SLK: variants seen among roughly 807,000 people sequenced by gnomAD.
SLK encodes STE20 like kinase, also known as STE20-like serine/threonine-protein kinase.
SLK carries 67 observed loss-of-function variants against 147.7 expected under a neutral mutation model. The ratio of observed to expected loss-of-function variants is 0.45; its 90% confidence interval spans 0.37 to 0.56. The LOEUF (loss-of-function observed/expected upper bound fraction) is 0.56, where lower values mean the gene tolerates loss of function less well. Among genes scored for constraint, SLK ranks in the 20% least tolerant of loss-of-function variants. The pLI, the probability that SLK is intolerant of heterozygous loss-of-function variation, is 0.00. For synonymous variants in SLK, 441 were observed against 475.0 expected (o/e 0.93, Z 0.93); for missense variants, 1,136 against 1,438.8 (o/e 0.79, Z 3.41).
intron 1 of SLK, among the ~76,000 whole-genome samples, chr10:103,989,353 T>C (rs1844058397): frequency 6.6e-6 from 1 of 152,138 alleles, no homozygotes; most frequent in Admixed American, 6.5e-5. Flanking sequence ...GTGAAACCCA[T>C]GCTTGCTGGC....
At chr10:103,985,879 A>G (rs1844005942) in intron 1 of SLK, among the ~76,000 whole-genome samples, 2 of 152,230 alleles carry the variant, frequency 1.3e-5, no homozygotes, top group South Asian at 4.1e-4. Flanking sequence ...ATATGAAACC[A>G]GTATGGAACT....
rs1472019563 is a variant in SLK, at chr10:104,006,041, G to A, written c.2604+6G>A. ...GCTTTGAGCAGGAAATGATGGTAAA[G>A]TCTGATTGTTATACCATTTTATATC... On this transcript the variant is annotated splice_donor_region_variant and intron_variant, in intron 11 of 18. Transcript: ENST00000369755. 8.7e-6 allele frequency: 14 copies of A among 1,608,386 alleles called. No individual in the cohort carries two copies. The highest frequency in any genetic ancestry group is 5.2e-5 in the Admixed American group (3 of 58,118).
rs1318186641 is a variant in SLK at position 103,995,426 on chromosome 10, T to TC, written c.514+2293_514+2294insC. On this transcript the variant is annotated intron_variant, in intron 4 of 18. Transcript: ENST00000369755. Reference sequence around the variant, plus strand: ...TCTTTTTTCTTTTCTTTCTTTTCTTTTTTTTTTTTTTTTTTTTTTGAGTCA... The same window carrying TC: ...TCTTTTTTCTTTTCTTTCTTTTCTTTCTTTTTTTTTTTTTTTTTTTGAGTCA... 1.3e-4 allele frequency among the ~76,000 whole-genome samples: 12 copies of TC among 89,158 alleles called. No individual in the cohort carries two copies. The East Asian group carries it at 2.4e-3, about 18-fold the overall frequency. The allele number at this position is 89,158 out of a possible 152,430, so 58.5% of individuals were successfully genotyped here.
At chr10:103,987,429 T>C (rs985109032) in intron 1 of SLK, among the ~76,000 whole-genome samples, 1 of 152,226 alleles carries the variant, frequency 6.6e-6, no homozygotes, top group African/African-American at 2.4e-5. Context: ...AGCAGGTTCC[T>C]GTTAAGTGAC....
chr10:103,994,065 T>C (rs1844134353), intron 4 of SLK, among the ~76,000 whole-genome samples: 2 of 152,104 alleles, frequency 1.3e-5, no homozygotes, highest in Admixed American at 6.6e-5. Context: ...TGGCGAATTT[T>C]TAAAAATTTT....
At chr10:103,995,423 CTTTTTT>C (rs756975426) in intron 4 of SLK, among the ~76,000 whole-genome samples, 4 of 67,690 alleles carry the variant, frequency 5.9e-5, no homozygotes, top group South Asian at 4.6e-4. Context: ...TCTTTCTTTT[CTTTTTT>C]TTTTTTTTTT....
intron 8 of SLK, 110 bp downstream of exon 8, chr10:104,001,682 G>A: frequency 1.7e-6 from 2 of 1,173,414 alleles, no homozygotes; most frequent in South Asian, 2.9e-5. Flanking sequence ...TTTAAATTTA[G>A]ACCTGAAGAT....
At chr10:104,010,273 CTT>C (rs928613218) in intron 12 of SLK, among the ~76,000 whole-genome samples, 16 of 152,284 alleles carry the variant, frequency 1.1e-4, no homozygotes, top group African/African-American at 3.9e-4. Flanking sequence ...TATGAAAAAA[CTT>C]AGTATCCATT....
At chr10:104,017,745 G>A (rs1351169735) in intron 13 of SLK, among the ~76,000 whole-genome samples, 5 of 152,186 alleles carry the variant, frequency 3.3e-5, no homozygotes, top group African/African-American at 7.2e-5. Flanking sequence ...CTTCCAGAGT[G>A]CTGGGATTAC....
In SLK at chr10:104,028,866, C is replaced by T. The variant is rs150091149; in HGVS notation, c.*3146C>T. 6.6e-6 allele frequency: 1 copy of T among 152,258 alleles called. No homozygotes were observed. Among genetic ancestry groups the T allele is most frequent in the African/African-American group, 2.4e-5 (1 of 41,552 alleles). 9.4% of individuals were successfully genotyped at this position (152,258 alleles called of 1,614,324 possible). ...GAAGTGAAAGAAGAGAGTTCCAGTT[C>T]TAATAGTCTTTTGATTAACAATTCT... On this transcript the variant is annotated 3_prime_UTR_variant, in exon 19 of 19. Transcript: ENST00000369755.
At chr10:104,023,536 G>C (rs145541075) in intron 18 of SLK, among the ~76,000 whole-genome samples, 1 of 152,252 alleles carries the variant, frequency 6.6e-6, no homozygotes, top group East Asian at 1.9e-4. Flanking sequence ...TATAGTAATG[G>C]TTCAGTGAAT....
At chr10:103,994,080 T>G (rs905481843) in intron 4 of SLK, among the ~76,000 whole-genome samples, 8 of 152,060 alleles carry the variant, frequency 5.3e-5, no homozygotes, top group African/African-American at 1.7e-4. Flanking sequence ...AATTTTTTTG[T>G]AGAGATGAGG....
At chr10:103,969,030 G>T (rs1330838629) in intron 1 of SLK, among the ~76,000 whole-genome samples, 1 of 151,820 alleles carries the variant, frequency 6.6e-6, no homozygotes, top group Non-Finnish European at 1.5e-5. Flanking sequence ...GTGCAATAGC[G>T]CGATCTCGGC....
At chr10:104,013,834 A>G (rs1844429063) in intron 13 of SLK, among the ~76,000 whole-genome samples, 1 of 152,238 alleles carries the variant, frequency 6.6e-6, no homozygotes. Flanking sequence ...TAATGACAAT[A>G]ATAGTGATAA....
At chr10:104,022,620 T>G (rs1448337832) in intron 18 of SLK, among the ~76,000 whole-genome samples, 1 of 151,860 alleles carries the variant, frequency 6.6e-6, no homozygotes, top group Non-Finnish European at 1.5e-5. Context: ...TTTTTGTTTG[T>G]TTGTTTAGAC....
Position 103,990,814 on chromosome 10 carries a change from C to T in SLK, c.290C>T (p.Ala97Val). The change falls in exon 2 of 19, where the codon GCC (alanine) becomes GTC (valine). Residue 97 changes from alanine to valine, a missense_variant. This residue lies in a region of SLK where 126 missense variants were observed against 141.3 expected (regional missense o/e 0.89). Transcript: ENST00000369755. ...CCAAATATAGTCAAGCTTCTAGATG[C>T]CTTCTATTATGAGAACAATCTTTGG... ...DHPNIVKLLD[A>V]FYYENNLWIL... 6.6e-7 allele frequency: 1 copy of T among 1,524,856 alleles called. No individual in the cohort carries two copies. Among genetic ancestry groups the T allele is most frequent in the Non-Finnish European group, 8.7e-7 (1 of 1,143,686 alleles). 94.5% of individuals were successfully genotyped at this position (1,524,856 alleles called of 1,614,324 possible).
chr10:104,028,175 C>T lies in SLK; in HGVS notation c.*2455C>T, dbSNP rs779381624. The T allele has an allele frequency of 1.3e-5, 2 of 152,236 alleles. No individual in the cohort carries two copies. The highest frequency in any genetic ancestry group is 1.9e-4 in the East Asian group (1 of 5,184). 9.4% of individuals were successfully genotyped at this position (152,236 alleles called of 1,614,324 possible). A position where few individuals can be genotyped will look rare whatever the true frequency, so the allele number is the denominator to read the frequency against. ...CGAGGGGCGCAGACTTCTTTGAAATCGAAGGGTACAGTCAAATCTACTGCT... is the reference window on the plus strand; with the variant it reads ...CGAGGGGCGCAGACTTCTTTGAAATTGAAGGGTACAGTCAAATCTACTGCT... On this transcript the variant is annotated 3_prime_UTR_variant, in exon 19 of 19. Coordinates refer to ENST00000369755, the MANE Select transcript of SLK (RefSeq NM_014720.4).
chr10:104,024,292 G>A (rs939019032), intron 18 of SLK, among the ~76,000 whole-genome samples: 8 of 151,924 alleles, frequency 5.3e-5, no homozygotes, highest in African/African-American at 1.5e-4. Flanking sequence ...CTTCCCACTC[G>A]CCTGCCATCA....
In SLK at chr10:103,999,302, G is replaced by C; in HGVS notation, c.771G>C (p.Gln257His). ...AATCTGAGCCACCTACATTAGCACA[G>C]CCATCCAGATGGTAAAAATATTCTT... ...IAKSEPPTLAQPSRWSSNFKD... is the reference protein window; with the variant it reads ...IAKSEPPTLAHPSRWSSNFKD... Residue 257 changes from glutamine (Q) to histidine (H), a missense_variant, in exon 6 of 19, where the codon CAG becomes CAC. Coordinates refer to ENST00000369755, the MANE Select transcript of SLK (RefSeq NM_014720.4). 14 of 1,604,684 alleles carry C rather than the reference G, an allele frequency of 8.7e-6. No homozygotes were observed. Among genetic ancestry groups the C allele is most frequent in the Non-Finnish European group, 1.2e-5 (14 of 1,176,760 alleles).
Sources: gnomAD v4.1 joint callset for allele counts (sites outside exome capture counted in the v4.1 genomes callset) on GRCh38, gnomAD v4.1.1 for gene constraint, gnomAD v4.1.1 regional missense constraint, MANE v1.5 for transcripts, NCBI Gene and HGNC (gene_info 2026-07-23, HGNC 2026-07-21) for gene names.